CCDC7: variants seen among roughly 807,000 people sequenced by gnomAD.
The protein encoded by CCDC7 is coiled-coil domain containing 7, also known as coiled-coil domain-containing protein 7.
A neutral mutation model predicts 196.9 loss-of-function variants in CCDC7; 183 were observed. The ratio of observed to expected loss-of-function variants is 0.93; its 90% CI spans 0.82 to 1.05. The LOEUF (loss-of-function observed/expected upper bound fraction) is 1.05, where lower values mean the gene tolerates loss of function less well. CCDC7 is among the 50% of genes least tolerant of loss of function. The probability of loss-of-function intolerance (pLI) is 0.00; values close to 1 mark genes in which losing one functional copy is unlikely to be tolerated. For synonymous variants in CCDC7, 525 were observed against 484.6 expected (o/e 1.08, Z -1.10); for missense variants, 1,540 against 1,482.2 (o/e 1.04, Z -0.64).
At chr10:32,773,213 C>A (rs1349942675) in intron 28 of CCDC7, among the ~76,000 whole-genome samples, 5 of 152,188 alleles carry the variant, frequency 3.3e-5, no homozygotes. Flanking sequence ...TGTTTTCTGT[C>A]ACCATGTTTG....
intron 22 of CCDC7, among the ~76,000 whole-genome samples, chr10:32,688,279 T>C (rs1287114173): frequency 6.6e-6 from 1 of 152,138 alleles, no homozygotes; most frequent in East Asian, 1.9e-4. Flanking sequence ...CTTTATTCTT[T>C]CAAATTTAAT....
intron 30 of CCDC7, among the ~76,000 whole-genome samples, chr10:32,805,387 T>C (rs543475963): frequency 3.3e-5 from 5 of 152,338 alleles, no homozygotes; most frequent in African/African-American, 1.2e-4. Flanking sequence ...ATTATTTTAG[T>C]CCCTTTCTAT....
intron 13 of CCDC7, among the ~76,000 whole-genome samples, chr10:32,547,059 C>T (rs1397225704): frequency 6.6e-6 from 1 of 152,106 alleles, no homozygotes; most frequent in Non-Finnish European, 1.5e-5. Flanking sequence ...CACTCTGTCA[C>T]CTAGGTTGGA....
chr10:32,565,930 C>T (rs1207794494), intron 14 of CCDC7, among the ~76,000 whole-genome samples: 1 of 152,076 alleles, frequency 6.6e-6, no homozygotes, highest in African/African-American at 2.4e-5. Context: ...GTATTTCAAG[C>T]TGATAAGCAA....
intron 11 of CCDC7, among the ~76,000 whole-genome samples, chr10:32,534,966 A>C (rs1431291362): frequency 6.7e-6 from 1 of 149,458 alleles, no homozygotes; most frequent in Non-Finnish European, 1.5e-5. Flanking sequence ...AAGCTGGTTG[A>C]CCCCCTCATT....
rs773537584 is a variant in CCDC7 at position 32,845,291 on chromosome 10, A to C, written c.3401A>C (p.Lys1134Thr). 4.4e-6 allele frequency: 7 copies of C among 1,576,378 alleles called. No individual in the cohort carries two copies. In the East Asian group the frequency reaches 1.4e-4, roughly 31 times the overall value. Residue 1134 changes from lysine to threonine, a missense_variant, in exon 34 of 42, where the codon AAG (lysine) becomes ACG (threonine). Physicochemically the swap from Lys to Thr is moderately conservative, Grantham distance 78. Transcript: ENST00000639629. ...GATGATACTGGAAGAGGTATAATAA[A>C]GGGATCAATCAATGCACAACTAAAG...
chr10:32,675,092 A>C (rs917150397), intron 21 of CCDC7, among the ~76,000 whole-genome samples: 7 of 152,052 alleles, frequency 4.6e-5, no homozygotes, highest in Non-Finnish European at 7.4e-5. Context: ...ACCTATTTAT[A>C]TTTAAAATTA....
At chr10:32,510,151 G>A (rs2045886381) in intron 9 of CCDC7, among the ~76,000 whole-genome samples, 1 of 152,140 alleles carries the variant, frequency 6.6e-6, no homozygotes, top group Non-Finnish European at 1.5e-5. Context: ...TGGATATAAT[G>A]TGCCTATGCA....
intron 8 of CCDC7, among the ~76,000 whole-genome samples, chr10:32,483,444 T>G (rs1304997898): frequency 6.6e-6 from 1 of 152,258 alleles, no homozygotes; most frequent in Non-Finnish European, 1.5e-5. Flanking sequence ...ATTCTGTAGG[T>G]TGCCTGTTCA....
intron 18 of CCDC7, among the ~76,000 whole-genome samples, chr10:32,594,618 G>GT (rs201762978): frequency 0.052 from 7,849 of 152,172 alleles, 669 homozygotes; most frequent in African/African-American, 0.18. Context: ...GGACATCCCT[G>GT]TTTTTTGCCA....
chr10:32,773,662 T>C (rs1328554620), intron 28 of CCDC7, among the ~76,000 whole-genome samples: 3 of 152,214 alleles, frequency 2.0e-5, no homozygotes, highest in African/African-American at 7.2e-5. Flanking sequence ...AGCCATTTTA[T>C]AGATCTTCAA....
intron 41 of CCDC7, among the ~76,000 whole-genome samples, chr10:32,870,255 G>T (rs2094379126): frequency 6.6e-6 from 1 of 152,018 alleles, no homozygotes; most frequent in South Asian, 2.1e-4. Context: ...CCATTTGTTT[G>T]TGTCCTCTTT....
intron 18 of CCDC7, among the ~76,000 whole-genome samples, chr10:32,630,263 G>A (rs2064663203): frequency 6.6e-6 from 1 of 152,040 alleles, no homozygotes. Flanking sequence ...GGCATAGAGT[G>A]TAAAAGTTGG....
At chr10:32,473,151 C>T (rs1007809339) in intron 7 of CCDC7, among the ~76,000 whole-genome samples, 1 of 152,126 alleles carries the variant, frequency 6.6e-6, no homozygotes, top group African/African-American at 2.4e-5. Flanking sequence ...AGTACATTAT[C>T]TAGCATGTTA....
At chr10:32,485,317 A>G (rs549511172) in intron 8 of CCDC7, among the ~76,000 whole-genome samples, 4 of 152,260 alleles carry the variant, frequency 2.6e-5, no homozygotes, top group Admixed American at 1.3e-4. Context: ...AGCAGTTTGT[A>G]TTTCTGTAGG....
chr10:32,828,453 GAAGAAGAA>G, intron 32 of CCDC7, among the ~76,000 whole-genome samples: 1 of 86,446 alleles, frequency 1.2e-5, no homozygotes, highest in African/African-American at 3.9e-5. Flanking sequence ...AGAAGAAGAA[GAAGAAGAA>G]GAAGAGGAAG....
intron 9 of CCDC7, among the ~76,000 whole-genome samples, chr10:32,514,785 G>T (rs182125119): frequency 6.6e-6 from 1 of 152,114 alleles, no homozygotes; most frequent in East Asian, 1.9e-4. Flanking sequence ...CTACAGAAAT[G>T]GATAGATATC....
chr10:32,850,027 T>C (rs148288067), intron 39 of CCDC7, among the ~76,000 whole-genome samples: 166 of 152,076 alleles, frequency 1.1e-3, no homozygotes, highest in African/African-American at 3.9e-3. Flanking sequence ...TGGAAAAAAA[T>C]GCAAACTCTT....
chr10:32,584,145 T>C, intron 17 of CCDC7, 87 bp from the exon 19 acceptor site: 2 of 562,832 alleles, frequency 3.6e-6, no homozygotes, highest in East Asian at 3.7e-5. Flanking sequence ...TAGCTCTTTT[T>C]CTCAAAGCAG....
Sources: gnomAD v4.1 joint callset for allele counts (sites outside exome capture counted in the v4.1 genomes callset) on GRCh38, gnomAD v4.1.1 for gene constraint, MANE v1.5 for transcripts, NCBI Gene and HGNC (gene_info 2026-07-23, HGNC 2026-07-21) for gene names.